The following SGIP1 variants were observed in gnomAD, a reference collection of about 807,000 sequenced individuals.
SGIP1 encodes SH3GL interacting endocytic adaptor 1.
A neutral mutation model predicts 107.5 loss-of-function variants in SGIP1; 38 were observed. That is an observed-to-expected ratio of 0.35 (90% CI 0.27 to 0.46). The LOEUF (loss-of-function observed/expected upper bound fraction) is 0.46. Among genes scored for constraint, SGIP1 ranks in the 20% least tolerant of loss-of-function variants. The pLI is 1.00. For synonymous variants in SGIP1, 365 were observed against 366.1 expected (o/e 1.00, Z 0.03); for missense variants, 929 against 1,019.5 (o/e 0.91, Z 1.21).
chr1:66,695,854 A>T (rs1029421091), intron 18 of SGIP1, among the ~76,000 whole-genome samples: 2 of 152,246 alleles, frequency 1.3e-5, no homozygotes, highest in Non-Finnish European at 2.9e-5. Context: ...CAGTGCAACA[A>T]ATATAAGGAC....
At chr1:66,631,681 T>TCTCTC (rs2074740245) in intron 2 of SGIP1, among the ~76,000 whole-genome samples, 1 of 132,164 alleles carries the variant, frequency 7.6e-6, no homozygotes, top group Non-Finnish European at 1.6e-5. Flanking sequence ...CTCTCTCTCT[T>TCTCTC]TCTCTCTCTC....
chr1:66,669,357 A>C (rs919245028), intron 9 of SGIP1, among the ~76,000 whole-genome samples: 1 of 152,204 alleles, frequency 6.6e-6, no homozygotes, highest in Non-Finnish European at 1.5e-5. Context: ...GGACAGAGGG[A>C]CAAAAAGGTC....
In SGIP1 at chr1:66,643,586, A is replaced by C. The variant is rs1347555311; in HGVS notation, c.326A>C (p.Glu109Ala). 6.2e-7 allele frequency: 1 copy of C among 1,611,438 alleles called. No individual in the cohort carries two copies. Among genetic ancestry groups the C allele is most frequent in the Non-Finnish European group, 8.5e-7 (1 of 1,178,938 alleles). Residue 109 changes from glutamate (E) to alanine (A), a missense_variant, in exon 7 of 25, where the codon GAA becomes GCA. By Grantham distance (107) the Glu-to-Ala change is moderately radical (BLOSUM62 -1). This residue lies in a region of SGIP1 where 588 missense variants were observed against 588.6 expected (regional missense o/e 1.00). Coordinates refer to ENST00000371037, the MANE Select transcript of SGIP1 (RefSeq NM_032291.4). Reference protein sequence around the residue: ...KHFYSSSESEEEEESHKKFNI... With the variant: ...KHFYSSSESEAEEESHKKFNI... ...TTTTATTCTTCAAGTGAATCGGAAG[A>C]AGAAGAAGAATCACATAAGAAATTT... is the stretch of plus-strand genomic sequence containing the variant.
intron 18 of SGIP1, among the ~76,000 whole-genome samples, chr1:66,700,553 T>C (rs2091751692): frequency 6.6e-6 from 1 of 152,128 alleles, no homozygotes; most frequent in Non-Finnish European, 1.5e-5. Context: ...CCCTTTTATT[T>C]TTAGATGACA....
chr1:66,659,403 G>A (rs2080430027), intron 7 of SGIP1, among the ~76,000 whole-genome samples: 1 of 152,220 alleles, frequency 6.6e-6, no homozygotes, highest in Non-Finnish European at 1.5e-5. Flanking sequence ...TGGGATCAAA[G>A]AAGAACTGAC....
At chr1:66,623,224 T>C (rs1038530413) in intron 1 of SGIP1, among the ~76,000 whole-genome samples, 1 of 152,208 alleles carries the variant, frequency 6.6e-6, no homozygotes, top group African/African-American at 2.4e-5. Context: ...TCTTAAACCT[T>C]TCCACTTTTG....
chr1:66,624,291 G>A (rs1261275204), intron 1 of SGIP1, among the ~76,000 whole-genome samples: 2 of 152,204 alleles, frequency 1.3e-5, no homozygotes, highest in Non-Finnish European at 2.9e-5. Flanking sequence ...CCTTATAAGG[G>A]AATAAGACAA....
At position 66,719,376 on chromosome 1, in the gene SGIP1, T is replaced by A; in HGVS notation, c.1713T>A (p.Asn571Lys). ...PVAAAFTETV[N>K]AYFKGADPSK... ...CAGCAGCATTTACAGAAACAGTCAA[T>A]GCCTATTTCAAAGGAGCAGACCCAA... The change falls in exon 19 of 25, where the codon AAT becomes AAA. Residue 571 changes from asparagine (N) to lysine (K), a missense_variant. This residue lies in a region of SGIP1 where 341 missense variants were observed against 430.9 expected (regional missense o/e 0.79). Transcript: ENST00000371037. 1 of 1,613,506 alleles carries A rather than the reference T, an allele frequency of 6.2e-7. No individual in the cohort carries two copies. The highest frequency in any genetic ancestry group is 1.3e-5 in the African/African-American group (1 of 75,006).
intron 19 of SGIP1, among the ~76,000 whole-genome samples, chr1:66,725,722 G>A (rs2093724120): frequency 6.6e-6 from 1 of 152,196 alleles, no homozygotes; most frequent in Non-Finnish European, 1.5e-5. Context: ...AAAAGGGGAG[G>A]TGTGCCCTAT....
At chr1:66,606,564 T>G (rs1201200851) in intron 1 of SGIP1, among the ~76,000 whole-genome samples, 1 of 152,198 alleles carries the variant, frequency 6.6e-6, no homozygotes, top group Non-Finnish European at 1.5e-5. Context: ...GCTTGGCTGA[T>G]TGACTGTAAT....
rs140453400 is a variant in SGIP1, at chr1:66,694,811, G to A, written c.1571-623G>A. Reference sequence around the variant, plus strand: ...TTAACTGCTCAGAATTACATGTCCGGTCACTGCTTTTTAATTTAAAAAATA... The same window carrying A: ...TTAACTGCTCAGAATTACATGTCCGATCACTGCTTTTTAATTTAAAAAATA... On this transcript the variant is annotated intron_variant, in intron 17 of 24. Coordinates refer to ENST00000371037, the MANE Select transcript of SGIP1 (RefSeq NM_032291.4). 38 of 307,100 alleles carry A rather than the reference G, an allele frequency of 1.2e-4. No homozygotes were observed. The East Asian group carries it at 1.9e-3, about 15-fold the overall frequency. The allele number at this position is 307,100 out of a possible 1,614,324, so 19.0% of individuals were successfully genotyped here.
chr1:66,745,956 G>T lies in SGIP1; in HGVS notation c.*2861G>T, dbSNP rs1299686631. The T allele has an allele frequency of 6.6e-6, 1 of 152,044 alleles. No individual in the cohort carries two copies. Among genetic ancestry groups the T allele is most frequent in the African/African-American group, 2.4e-5 (1 of 41,396 alleles). The allele number at this position is 152,044 out of a possible 1,614,324, so 9.4% of individuals were successfully genotyped here. A position where few individuals can be genotyped will look rare whatever the true frequency, so the allele number is the denominator to read the frequency against. ...AGCTGTGTTCTTCTCTACACCCACA[G>T]CCAAAATGGAAATTCACTGTATGGT... is the stretch of plus-strand genomic sequence containing the variant. On this transcript the variant is annotated 3_prime_UTR_variant, in exon 25 of 25. Coordinates refer to ENST00000371037, the MANE Select transcript of SGIP1 (RefSeq NM_032291.4).
chr1:66,654,343 T>A (rs1305021071), intron 7 of SGIP1, among the ~76,000 whole-genome samples: 1 of 152,188 alleles, frequency 6.6e-6, no homozygotes, highest in Non-Finnish European at 1.5e-5. Flanking sequence ...TTTGTTAATG[T>A]GTTCTTTTCT....
At chr1:66,736,282 T>C (rs1430438335) in intron 21 of SGIP1, among the ~76,000 whole-genome samples, 1 of 145,856 alleles carries the variant, frequency 6.9e-6, no homozygotes, top group African/African-American at 2.5e-5. Context: ...ATACAAATAG[T>C]TTAAAATATT....
intron 1 of SGIP1, among the ~76,000 whole-genome samples, chr1:66,592,974 A>G (rs1371357396): frequency 2.4e-5 from 3 of 127,622 alleles, no homozygotes; most frequent in Non-Finnish European, 4.6e-5. Flanking sequence ...GAACTCCTGG[A>G]TTCAAAAGAT....
At position 66,677,000 on chromosome 1, in the gene SGIP1, C is replaced by T; in HGVS notation, c.647-4C>T. 1.3e-6 allele frequency: 2 copies of T among 1,597,760 alleles called. No individual in the cohort carries two copies. Among genetic ancestry groups the T allele is most frequent in the Non-Finnish European group, 1.7e-6 (2 of 1,175,438 alleles). ...CCCTGGGAAATCTTCTTTTTTGTTT[C>T]CAGTTCTTTTAGATCAGCCTGAGAT... On this transcript the variant is annotated splice_polypyrimidine_tract_variant and splice_region_variant and intron_variant, in intron 12 of 24. Coordinates refer to ENST00000371037, the MANE Select transcript of SGIP1 (RefSeq NM_032291.4).
At chr1:66,731,679 C>T (rs2094015952) in intron 20 of SGIP1, among the ~76,000 whole-genome samples, 1 of 152,224 alleles carries the variant, frequency 6.6e-6, no homozygotes, top group African/African-American at 2.4e-5. Context: ...CTACCTCAAC[C>T]ACCACAACCA....
At chr1:66,727,345 A>G (rs2093802292) in intron 19 of SGIP1, among the ~76,000 whole-genome samples, 1 of 152,236 alleles carries the variant, frequency 6.6e-6, no homozygotes, top group South Asian at 2.1e-4. Context: ...TAAAACAACA[A>G]GAAGATACCA....
intron 18 of SGIP1, among the ~76,000 whole-genome samples, chr1:66,716,590 A>G (rs2093258106): frequency 6.6e-6 from 1 of 152,104 alleles, no homozygotes; most frequent in South Asian, 2.1e-4. Flanking sequence ...AGCATGCTCT[A>G]AACTCAAGTC....
Sources: gnomAD v4.1 joint callset for allele counts (sites outside exome capture counted in the v4.1 genomes callset) on GRCh38, gnomAD v4.1.1 for gene constraint, gnomAD v4.1.1 regional missense constraint, MANE v1.5 for transcripts, NCBI Gene and HGNC (gene_info 2026-07-23, HGNC 2026-07-21) for gene names.